The following ARHGAP40 variants were observed in gnomAD, a reference collection of about 807,000 sequenced individuals.
The protein encoded by ARHGAP40 is Rho GTPase activating protein 40, also known as rho GTPase-activating protein 40.
Under a neutral mutation model 73.5 loss-of-function variants are expected in ARHGAP40, and 43 were observed. That is an observed-to-expected ratio of 0.58 (90% confidence interval 0.46 to 0.75). ARHGAP40 has a LOEUF of 0.75. ARHGAP40 is among the 30% of genes least tolerant of loss of function. The pLI, the probability that ARHGAP40 is intolerant of heterozygous loss-of-function variation, is 0.00. For missense variants in ARHGAP40, 734 were observed against 861.8 expected (o/e 0.85, Z 1.86); for synonymous variants, 300 against 352.8 (o/e 0.85, Z 1.68).
At chr20:38,638,654 TCTC>T in intron 7 of ARHGAP40, 104 bp from the exon 8 acceptor site, 1 of 777,966 alleles carries the variant, frequency 1.3e-6, no homozygotes. Context: ...AGGAAACCCT[TCTC>T]CTGGTACTCC....
chr20:38,648,666 A>G, exon 14 of ARHGAP40: 1 of 1,305,822 alleles, frequency 7.7e-7, no homozygotes, highest in South Asian at 1.2e-5. Flanking sequence ...GAGTCAGCCA[A>G]CATCCTCCTC....
chr20:38,622,874 G>A (rs984259534), intron 1 of ARHGAP40, among the ~76,000 whole-genome samples: 3 of 152,162 alleles, frequency 2.0e-5, no homozygotes, highest in Admixed American at 6.5e-5. Flanking sequence ...GTTCAAAGCT[G>A]GCTGGGAGAG....
chr20:38,631,415 G>T (rs559595219), intron 5 of ARHGAP40, among the ~76,000 whole-genome samples: 1 of 152,228 alleles, frequency 6.6e-6, no homozygotes, highest in South Asian at 2.1e-4. Context: ...GGCTGGGGAG[G>T]CCTCACAATC....
intron 13 of ARHGAP40, 30 bp from the exon 14 acceptor site, chr20:38,648,613 G>GTT (rs200860020): frequency 1.2e-4 from 132 of 1,071,028 alleles, no homozygotes; most frequent in African/African-American, 4.2e-4. Context: ...AAAGGCAGTA[G>GTT]TTTTTTTTTT....
rs1001093911 is a variant in ARHGAP40, at chr20:38,645,932, C to T, written c.1570-115C>T. 1.2e-5 allele frequency: 12 copies of T among 1,018,226 alleles called. No individual in the cohort carries two copies. In the African/African-American group the frequency reaches 1.9e-4, roughly 16 times the overall value. 63.1% of individuals were successfully genotyped at this position (1,018,226 alleles called of 1,614,324 possible). Reference sequence around the variant, plus strand: ...TCCCGTGTCCAACAAATGCATATTTCCAAGCCCTGTGGGACGCTGGGCCAG... The same window carrying T: ...TCCCGTGTCCAACAAATGCATATTTTCAAGCCCTGTGGGACGCTGGGCCAG... On this transcript the variant is annotated intron_variant, in intron 11 of 14. Coordinates refer to ENST00000373345, the Ensembl canonical transcript of ARHGAP40.
intron 9 of ARHGAP40, among the ~76,000 whole-genome samples, chr20:38,639,777 T>C (rs2089002832): frequency 6.6e-6 from 1 of 152,270 alleles, no homozygotes; most frequent in South Asian, 2.1e-4. Flanking sequence ...TCCATCTGTG[T>C]GCACATCTGC....
intron 11 of ARHGAP40, among the ~76,000 whole-genome samples, chr20:38,644,971 A>G (rs1184766452): frequency 1.3e-5 from 2 of 151,978 alleles, no homozygotes; most frequent in Non-Finnish European, 2.9e-5. Context: ...TAGATTTCCT[A>G]TTCCAGAAAC....
At chr20:38,639,478 C>A in intron 9 of ARHGAP40, 92 bp downstream of exon 9, 3 of 1,227,948 alleles carry the variant, frequency 2.4e-6, no homozygotes, top group Non-Finnish European at 1.1e-6. Context: ...GGCAGGACTC[C>A]GTGTTCCTGG....
At chr20:38,645,961 A>C in intron 11 of ARHGAP40, 86 bp from the exon 12 acceptor site, 1 of 1,147,772 alleles carries the variant, frequency 8.7e-7, no homozygotes, top group African/African-American at 1.6e-5. Context: ...GGGCCAGGGA[A>C]GAGGCCACGA....
At chr20:38,608,902 C>T (rs754728017) in intron 1 of ARHGAP40, among the ~76,000 whole-genome samples, 11 of 152,184 alleles carry the variant, frequency 7.2e-5, no homozygotes, top group Non-Finnish European at 1.5e-4. Context: ...CCTTAAGTTG[C>T]GGTCCACCTG....
chr20:38,604,273 G>T (rs2088757891), intron 1 of ARHGAP40, among the ~76,000 whole-genome samples: 1 of 152,142 alleles, frequency 6.6e-6, no homozygotes, highest in South Asian at 2.1e-4. Flanking sequence ...CATTGAATGT[G>T]CTTAATAGCT....
intron 11 of ARHGAP40, 129 bp from the exon 12 acceptor site, chr20:38,645,918 A>AC: frequency 1.1e-6 from 1 of 917,770 alleles, no homozygotes; most frequent in Non-Finnish European, 1.4e-6. Flanking sequence ...CCCGTGTCCA[A>AC]CAAATGCATA....
rs1055503039 is a variant in ARHGAP40, at chr20:38,649,941, G to A, written c.*93G>A. ...CCAGCATGAGAACAAAGCTATTCCA[G>A]GGGAGGGTCTGAGTTTTATTCCAAG... On this transcript the variant is annotated 3_prime_UTR_variant, in exon 15 of 15. Transcript: ENST00000373345. 6.2e-6 allele frequency: 6 copies of A among 965,402 alleles called. No homozygotes were observed. In the African/African-American group the frequency reaches 8.5e-5, roughly 14 times the overall value. The allele number at this position is 965,402 out of a possible 1,614,324, so 59.8% of individuals were successfully genotyped here.
At chr20:38,640,133 T>C (rs550891289) in intron 9 of ARHGAP40, among the ~76,000 whole-genome samples, 2 of 75,990 alleles carry the variant, frequency 2.6e-5, no homozygotes, top group South Asian at 8.8e-4. Flanking sequence ...TCCTCTTCTT[T>C]CTTCTTCTTT....
intron 3 of ARHGAP40, among the ~76,000 whole-genome samples, chr20:38,627,444 G>A (rs961728332): frequency 1.1e-5 from 1 of 92,864 alleles, no homozygotes; most frequent in African/African-American, 3.5e-5. Context: ...CTGTGTTGGG[G>A]GTGTGTGTGT....
intron 1 of ARHGAP40, among the ~76,000 whole-genome samples, 190 bp from the exon 2 acceptor site, chr20:38,623,169 G>A (rs1468198714): frequency 6.6e-6 from 1 of 152,210 alleles, no homozygotes; most frequent in African/African-American, 2.4e-5. Flanking sequence ...AGCATTGCTG[G>A]TTTCCAAGGA....
chr20:38,639,317 A>G lies in ARHGAP40; in HGVS notation c.1210A>G (p.Arg404Gly), dbSNP rs1465849216. 4.6e-6 allele frequency: 6 copies of G among 1,305,504 alleles called. No homozygotes were observed. In the South Asian group the frequency reaches 7.4e-5, roughly 16 times the overall value. 80.9% of individuals were successfully genotyped at this position (1,305,504 alleles called of 1,614,324 possible). ...CAATGACGCCTCTGATTTGCTCAAAAGGTTCATCCGGAAGCTGCCGACACC... is the reference window on the plus strand; with the variant it reads ...CAATGACGCCTCTGATTTGCTCAAAGGGTTCATCCGGAAGCTGCCGACACC... The change falls in exon 9 of 15, where the codon AGG (arginine) becomes GGG (glycine). Residue 404 changes from arginine to glycine, a missense_variant. Physicochemically the swap from Arg to Gly is moderately radical, Grantham distance 125. Coordinates refer to ENST00000373345, the Ensembl canonical transcript of ARHGAP40.
exon 14 of ARHGAP40, chr20:38,648,649 G>T: frequency 7.7e-7 from 1 of 1,305,582 alleles, no homozygotes; most frequent in Non-Finnish European, 1.0e-6. Context: ...ACAGCCATAG[G>T]TCCATGGAGT....
Position 38,646,511 on chromosome 20 carries a change from C to T in ARHGAP40, c.1710+324C>T, listed in dbSNP as rs6070894. Among the ~76,000 whole-genome samples the T allele has an allele frequency of 0.063, 9,553 of 152,116 alleles. 398 individuals carry two copies. Among genetic ancestry groups the T allele is most frequent in the African/African-American group, 0.12 (5,133 of 41,478 alleles). On this transcript the variant is annotated intron_variant, in intron 12 of 14. Coordinates refer to ENST00000373345, the Ensembl canonical transcript of ARHGAP40. The surrounding 1 kb of genome is among the most constrained non-coding windows in gnomAD (Gnocchi z 4.5). ...TCTGCGGGGTGTGAGGTGATTGGGG[C>T]TGGGTGGGGGATAGTAGAAGGGAAG...
Sources: gnomAD v4.1 joint callset for allele counts (sites outside exome capture counted in the v4.1 genomes callset) on GRCh38, gnomAD v4.1.1 for gene constraint, Gnocchi (gnomAD v3.1) non-coding constraint, MANE v1.5 for transcripts, NCBI Gene and HGNC (gene_info 2026-07-23, HGNC 2026-07-21) for gene names.